TMLHE: variants seen among roughly 807,000 people sequenced by gnomAD.
TMLHE encodes the protein trimethyllysine dioxygenase, mitochondrial.
Under a neutral mutation model 25.7 loss-of-function variants are expected in TMLHE, and 18 were observed. The observed-to-expected ratio is 0.70, with a 90% CI of 0.48 to 1.04. TMLHE has a LOEUF of 1.04. Among genes scored for constraint, TMLHE ranks in the 50% least tolerant of loss-of-function variants. TMLHE has a pLI of 0.00. For synonymous variants in TMLHE, 105 were observed against 97.0 expected, an observed-to-expected ratio of 1.08 and a Z score of -0.49; for missense variants, 236 against 259.0, an observed-to-expected ratio of 0.91 and a Z score of 0.61.
intron 5 of TMLHE, among the ~76,000 whole-genome samples, chrX:155,508,138 T>G (rs190642126): frequency 9.0e-6 from 1 of 110,976 alleles, no homozygotes; most frequent in Admixed American, 9.7e-5. Context: ...TAGAGGCATG[T>G]TAGAACAGCT....
chrX:155,550,987 G>A (rs1215065685), intron 1 of TMLHE, among the ~76,000 whole-genome samples: 2 of 109,905 alleles, frequency 1.8e-5, no homozygotes, highest in East Asian at 2.8e-4. Flanking sequence ...TAAATAAAGC[G>A]CATCAACTCT....
At chrX:155,596,239 GACA>G (rs1366761443) in intron 1 of TMLHE, among the ~76,000 whole-genome samples, 1 of 111,981 alleles carries the variant, frequency 8.9e-6, no homozygotes, top group Non-Finnish European at 1.9e-5. Context: ...ACAAAGCCTG[GACA>G]ACAAGAAACC....
At chrX:155,546,502 A>G (rs1322306773) in intron 1 of TMLHE, among the ~76,000 whole-genome samples, 2 of 111,062 alleles carry the variant, frequency 1.8e-5, no homozygotes, top group Admixed American at 1.9e-4. Context: ...TGTTGAGTGG[A>G]CTGGTGAGTG....
chrX:155,610,163 C>T (rs2067810523), intron 1 of TMLHE, among the ~76,000 whole-genome samples: 1 of 111,944 alleles, frequency 8.9e-6, no homozygotes, highest in Admixed American at 9.4e-5. Context: ...ACTAGATAGA[C>T]AAAATGTAGT....
intron 2 of TMLHE, among the ~76,000 whole-genome samples, chrX:155,531,415 G>A (rs1293943057): frequency 1.8e-5 from 2 of 111,087 alleles, no homozygotes; most frequent in Non-Finnish European, 3.8e-5. Context: ...GAGAGAGAGA[G>A]CAAGAGAGAG....
intron 2 of TMLHE, among the ~76,000 whole-genome samples, chrX:155,543,092 T>C (rs1401928824): frequency 3.6e-5 from 4 of 111,609 alleles, no homozygotes; most frequent in Non-Finnish European, 7.5e-5. Flanking sequence ...AAGATTGCTT[T>C]AGCCATTCAG....
At chrX:155,548,576 A>C (rs1270751186) in intron 1 of TMLHE, among the ~76,000 whole-genome samples, 1 of 109,125 alleles carries the variant, frequency 9.2e-6, no homozygotes, top group Non-Finnish European at 1.9e-5. Flanking sequence ...TCTACTAAAA[A>C]ATACAAAAAT....
intron 2 of TMLHE, among the ~76,000 whole-genome samples, chrX:155,532,424 T>A (rs2067254215): frequency 8.9e-6 from 1 of 112,071 alleles, no homozygotes; most frequent in African/African-American, 3.2e-5. Flanking sequence ...TGTACCTATA[T>A]TATTTCCTCA....
intron 2 of TMLHE, among the ~76,000 whole-genome samples, chrX:155,539,094 C>T (rs1557337915): frequency 9.0e-6 from 1 of 111,652 alleles, no homozygotes; most frequent in African/African-American, 3.3e-5. Context: ...CATTTCTTCA[C>T]CAGAGACTCT....
At chrX:155,533,136 T>C (rs2067258730) in intron 2 of TMLHE, among the ~76,000 whole-genome samples, 1 of 111,311 alleles carries the variant, frequency 9.0e-6, no homozygotes, top group African/African-American at 3.3e-5. Context: ...AACTGGGATA[T>C]TGGTCTTTTC....
chrX:155,515,107 T>G (rs1212309550), intron 3 of TMLHE, among the ~76,000 whole-genome samples: 1 of 111,276 alleles, frequency 9.0e-6, no homozygotes, highest in Non-Finnish European at 1.9e-5. Flanking sequence ...AAAGTCACCA[T>G]GTTTATCATT....
rs1326612241 is a variant in TMLHE, at chrX:155,599,367, C to T, written c.-2+13425G>A. 2.0e-4 allele frequency among the ~76,000 whole-genome samples: 22 copies of T among 111,746 alleles called. No homozygotes were observed. In the Admixed American group the frequency reaches 2.0e-3, roughly 10 times the overall value. ...CACACTTACAGACCAATCTCACTCA[C>T]AAACATGCTTGTCAAGAACACAAAC... On this transcript the variant is annotated intron_variant, in intron 1 of 7. Coordinates refer to ENST00000334398, the MANE Select transcript of TMLHE (RefSeq NM_018196.4).
chrX:155,568,981 T>C (rs62619580), intron 1 of TMLHE, among the ~76,000 whole-genome samples: 704 of 45,229 alleles, frequency 0.016, 4 homozygotes, highest in East Asian at 0.024. Flanking sequence ...CAAAGCTGGA[T>C]AGAGAATGAC....
chrX:155,563,661 C>T (rs782293730), intron 1 of TMLHE, among the ~76,000 whole-genome samples: 1 of 61,516 alleles, frequency 1.6e-5, no homozygotes, highest in Non-Finnish European at 4.6e-5. Context: ...ATCAGAGAGG[C>T]AGTTGGATAC....
intron 5 of TMLHE, among the ~76,000 whole-genome samples, chrX:155,508,717 G>A (rs149032698): frequency 0.015 from 1,681 of 110,941 alleles, 23 homozygotes; most frequent in African/African-American, 0.05. Context: ...CAAGTAAGAT[G>A]ACAGTACACA....
At chrX:155,562,889 C>T (rs1557341945) in intron 1 of TMLHE, among the ~76,000 whole-genome samples, 1 of 62,272 alleles carries the variant, frequency 1.6e-5, no homozygotes, top group African/African-American at 3.6e-5. Context: ...GTGGCCTTCA[C>T]TCCAGTTCCC....
intron 1 of TMLHE, among the ~76,000 whole-genome samples, chrX:155,577,559 A>C (rs782270507): frequency 2.7e-5 from 3 of 109,194 alleles, no homozygotes; most frequent in East Asian, 5.7e-4. Flanking sequence ...CAACCTGGGC[A>C]ACAAAGCGAG....
chrX:155,506,137 T>C (rs1171651029), intron 6 of TMLHE, among the ~76,000 whole-genome samples: 1 of 110,811 alleles, frequency 9.0e-6, no homozygotes, highest in Non-Finnish European at 1.9e-5. Flanking sequence ...TTTAGAAGGA[T>C]CTTAACATGG....
chrX:155,554,887 T>C (rs972714627), intron 1 of TMLHE, among the ~76,000 whole-genome samples: 16 of 110,082 alleles, frequency 1.5e-4, no homozygotes, highest in Non-Finnish European at 2.8e-4. Flanking sequence ...TTTTTTTTCC[T>C]TTTTTTAATT....
Sources: allele counts gnomAD v4.1 joint callset (sites outside exome capture counted in the v4.1 genomes callset), GRCh38; gene constraint gnomAD v4.1.1; transcripts MANE v1.5; gene names NCBI Gene and HGNC (gene_info 2026-07-23, HGNC 2026-07-21).